DAB1: variants seen among roughly 807,000 people sequenced by gnomAD.
DAB1 encodes the protein disabled homolog 1.
Under a neutral mutation model 64.6 loss-of-function variants are expected in DAB1, and 15 were observed. The observed-to-expected ratio is 0.23, with a 90% CI of 0.16 to 0.36. The LOEUF (loss-of-function observed/expected upper bound fraction) is 0.36. Ranked by LOEUF, DAB1 falls within the 10% of genes least tolerant of loss-of-function variation. The pLI, the probability that DAB1 is intolerant of heterozygous loss-of-function variation, is 1.00. For synonymous variants in DAB1, 235 were observed against 251.9 expected (o/e 0.93, Z 0.64); for missense variants, 596 against 706.7 (o/e 0.84, Z 1.78).
At chr1:57,736,748 C>T (rs2101783050) in intron 6 of DAB1, among the ~76,000 whole-genome samples, 1 of 152,146 alleles carries the variant, frequency 6.6e-6, no homozygotes, top group South Asian at 2.1e-4. Flanking sequence ...TCCATCCTTC[C>T]CTCCCTCTCT....
At chr1:58,136,926 C>T (rs913129823) in intron 5 of DAB1, among the ~76,000 whole-genome samples, 1 of 152,116 alleles carries the variant, frequency 6.6e-6, no homozygotes, top group Middle Eastern at 3.2e-3. Flanking sequence ...TCCACTAAGA[C>T]TTCAAGTTGT....
intron 2 of DAB1, among the ~76,000 whole-genome samples, chr1:57,280,188 T>C (rs1046008901): frequency 6.6e-6 from 1 of 152,158 alleles, no homozygotes; most frequent in Non-Finnish European, 1.5e-5. Flanking sequence ...CTAAAGGCTA[T>C]TTTCAAGCTT....
At chr1:57,588,274 C>G (rs907119998) in intron 7 of DAB1, among the ~76,000 whole-genome samples, 1 of 152,176 alleles carries the variant, frequency 6.6e-6, no homozygotes, top group East Asian at 1.9e-4. Flanking sequence ...TTAGACAGCA[C>G]CCCCCTACCA....
intron 3 of DAB1, among the ~76,000 whole-genome samples, chr1:57,142,598 T>TCACACACACA (rs149545090): frequency 0.016 from 2,251 of 142,784 alleles, 57 homozygotes; most frequent in African/African-American, 0.051. Flanking sequence ...TCACTGCAGG[T>TCACACACACA]CACACACACA....
intron 2 of DAB1, among the ~76,000 whole-genome samples, chr1:57,205,877 A>G (rs1665496260): frequency 6.6e-6 from 1 of 152,216 alleles, no homozygotes; most frequent in Non-Finnish European, 1.5e-5. Context: ...TGACTGCCAC[A>G]AAGAGAAATT....
chr1:58,041,183 C>T (rs533109498), intron 5 of DAB1, among the ~76,000 whole-genome samples: 8 of 152,240 alleles, frequency 5.3e-5, no homozygotes, highest in African/African-American at 1.9e-4. Context: ...TTGAGCAGAC[C>T]CAGGAACCCA....
intron 6 of DAB1, among the ~76,000 whole-genome samples, chr1:57,661,035 G>C (rs141646353): frequency 6.6e-6 from 1 of 152,024 alleles, no homozygotes; most frequent in African/African-American, 2.4e-5. Context: ...CTCAAGTAAA[G>C]AAATAGAAAA....
chr1:57,343,659 C>T (rs1444978581), intron 1 of DAB1, among the ~76,000 whole-genome samples: 1 of 152,202 alleles, frequency 6.6e-6, no homozygotes, highest in Non-Finnish European at 1.5e-5. Flanking sequence ...GGTGCTAAGC[C>T]CCTCACTGCC....
At chr1:58,320,373 T>G (rs1016479702) in intron 4 of DAB1, among the ~76,000 whole-genome samples, 2 of 152,348 alleles carry the variant, frequency 1.3e-5, no homozygotes, top group African/African-American at 4.8e-5. Flanking sequence ...CTGATGTGCG[T>G]GGCACTGTGC....
At chr1:58,114,897 G>C (rs974727643) in intron 5 of DAB1, among the ~76,000 whole-genome samples, 1 of 152,128 alleles carries the variant, frequency 6.6e-6, no homozygotes, top group Non-Finnish European at 1.5e-5. Flanking sequence ...CCCATCATTT[G>C]TTAAAAAAAA....
At chr1:58,262,136 T>G (rs1557717680) in intron 4 of DAB1, among the ~76,000 whole-genome samples, 1 of 151,966 alleles carries the variant, frequency 6.6e-6, no homozygotes, top group East Asian at 1.9e-4. Flanking sequence ...TAAAGTGAGA[T>G]AGAAATAGAC....
chr1:58,542,055 T>A (rs1646631874), intron 1 of DAB1, among the ~76,000 whole-genome samples: 1 of 152,236 alleles, frequency 6.6e-6, no homozygotes. Context: ...TCAAACCATT[T>A]GAAAATTACT....
At chr1:57,441,282 CTTTCTT>C (rs1558383720) in intron 7 of DAB1, among the ~76,000 whole-genome samples, 1,138 of 36,952 alleles carry the variant, frequency 0.031, 14 homozygotes, top group African/African-American at 0.067. Flanking sequence ...CTCTTTCTTT[CTTTCTT>C]TCTTTCTTTC....
intron 4 of DAB1, among the ~76,000 whole-genome samples, chr1:58,192,005 T>C (rs1657414388): frequency 6.6e-6 from 1 of 152,222 alleles, no homozygotes; most frequent in African/African-American, 2.4e-5. Flanking sequence ...GGGAGTATTA[T>C]TATTCCCATT....
intron 2 of DAB1, among the ~76,000 whole-genome samples, chr1:57,230,330 A>C (rs559293583): frequency 1.5e-4 from 23 of 152,164 alleles, no homozygotes; most frequent in East Asian, 1.9e-4. Context: ...GAAAAAAAAA[A>C]AAAAAAAAAC....
At chr1:57,669,484 A>G (rs527782222) in intron 6 of DAB1, among the ~76,000 whole-genome samples, 7 of 152,226 alleles carry the variant, frequency 4.6e-5, no homozygotes, top group African/African-American at 1.7e-4. Flanking sequence ...CGCCATGAAA[A>G]TTGTTCTTAA....
intron 5 of DAB1, among the ~76,000 whole-genome samples, chr1:57,955,492 T>C (rs925599028): frequency 6.6e-6 from 1 of 150,584 alleles, no homozygotes; most frequent in South Asian, 2.1e-4. Context: ...CTAATAGTAG[T>C]GTCTTGAGTG....
At chr1:57,601,389 C>A (rs1645574452) in intron 7 of DAB1, among the ~76,000 whole-genome samples, 1 of 152,140 alleles carries the variant, frequency 6.6e-6, no homozygotes, top group African/African-American at 2.4e-5. Flanking sequence ...GCCTGGCCAA[C>A]ATGTCGAAAC....
chr1:58,498,717 C>T (rs992752298), intron 3 of DAB1, among the ~76,000 whole-genome samples: 1 of 152,132 alleles, frequency 6.6e-6, no homozygotes, highest in African/African-American at 2.4e-5. Flanking sequence ...TAACATATTA[C>T]AGTTTCCCTC....
Sources: allele counts gnomAD v4.1 joint callset (sites outside exome capture counted in the v4.1 genomes callset), GRCh38; gene constraint gnomAD v4.1.1; transcripts MANE v1.5; gene names NCBI Gene and HGNC (gene_info 2026-07-23, HGNC 2026-07-21).